VWDE: variants seen among roughly 807,000 people sequenced by gnomAD.
The protein encoded by VWDE is von Willebrand factor D and EGF domains, also known as von Willebrand factor D and EGF domain-containing protein.
In VWDE, 207 loss-of-function variants were observed where a neutral mutation model predicts 178.4. The ratio of observed to expected loss-of-function variants is 1.16; its 90% CI spans 1.04 to 1.30. The LOEUF is 1.30. Among genes scored for constraint, VWDE ranks in the 50% most tolerant of loss-of-function variants. The pLI, the probability that VWDE is intolerant of heterozygous loss-of-function variation, is 0.00. For missense variants in VWDE, 2,287 were observed against 1,901.3 expected (o/e 1.20, Z -3.77); for synonymous variants, 738 against 651.4 (o/e 1.13, Z -2.02).
intron 13 of VWDE, among the ~76,000 whole-genome samples, chr7:12,364,045 G>A (rs1782724217): frequency 6.6e-6 from 1 of 151,766 alleles, no homozygotes. Context: ...TGAGAAACCA[G>A]GTAAATATAT....
rs1009130012 is a variant in VWDE, at chr7:12,359,825, C to T, written c.3160-133G>A. 1.3e-4 allele frequency: 69 copies of T among 542,300 alleles called. 3 individuals are homozygous for T. The highest frequency in any genetic ancestry group is 1.1e-3 in the Admixed American group (33 of 31,060). The allele number at this position is 542,300 out of a possible 1,614,324, so 33.6% of individuals were successfully genotyped here. A position where few individuals can be genotyped will look rare whatever the true frequency, so the allele number is the denominator to read the frequency against. On this transcript the variant is annotated intron_variant, in intron 15 of 28. Coordinates refer to ENST00000275358, the MANE Select transcript of VWDE (RefSeq NM_001135924.3). ...TACATCTATTTTGATACTTCATAATCGTAAGTGCATATGAGGAAACAAATT... is the reference window on the plus strand; with the variant it reads ...TACATCTATTTTGATACTTCATAATTGTAAGTGCATATGAGGAAACAAATT...
At chr7:12,341,897 A>ATGAAGATG (rs1781352220) in intron 23 of VWDE, among the ~76,000 whole-genome samples, 162 bp downstream of exon 23, 1 of 152,214 alleles carries the variant, frequency 6.6e-6, no homozygotes, top group Non-Finnish European at 1.5e-5. Flanking sequence ...AACAAAGGGA[A>ATGAAGATG]TGAAGATGAA....
At position 12,344,445 on chromosome 7, in the gene VWDE, T is replaced by A; in HGVS notation, c.3911A>T (p.Lys1304Ile). 6.4e-7 allele frequency: 1 copy of A among 1,550,512 alleles called. No homozygotes were observed. Among genetic ancestry groups the A allele is most frequent in the Non-Finnish European group, 8.7e-7 (1 of 1,146,442 alleles). ...AFTICKYPCGKSRECVAPNIC... is the reference protein window; with the variant it reads ...AFTICKYPCGISRECVAPNIC... ...GTTTGGGGCAACACACTCCCTACTT[T>A]TTCCACATGGATATTTACAAATGGC... The change falls in exon 20 of 29, where the codon AAA (lysine) becomes ATA (isoleucine). Residue 1304 changes from lysine to isoleucine, a missense_variant. Coordinates refer to ENST00000275358, the MANE Select transcript of VWDE (RefSeq NM_001135924.3).
chr7:12,343,730 T>G (rs1488740343), intron 21 of VWDE, among the ~76,000 whole-genome samples: 1 of 152,198 alleles, frequency 6.6e-6, no homozygotes, highest in Non-Finnish European at 1.5e-5. Flanking sequence ...AATTTTCCGC[T>G]TAAGATTTAA....
At chr7:12,355,236 G>A (rs536322655) in intron 18 of VWDE, among the ~76,000 whole-genome samples, 1 of 152,192 alleles carries the variant, frequency 6.6e-6, no homozygotes, top group Admixed American at 6.5e-5. Context: ...CCAACATGGT[G>A]AAACCCCATC....
chr7:12,358,541 G>A (rs1287709276), intron 16 of VWDE, among the ~76,000 whole-genome samples: 18 of 152,048 alleles, frequency 1.2e-4, no homozygotes, highest in Admixed American at 9.8e-4. Flanking sequence ...ATTGTACTGA[G>A]CACAAAAATT....
intron 3 of VWDE, among the ~76,000 whole-genome samples, chr7:12,385,960 A>T (rs1186954288): frequency 6.6e-6 from 1 of 152,176 alleles, no homozygotes; most frequent in Non-Finnish European, 1.5e-5. Context: ...TTTGGAAGGG[A>T]TGTCATAAAA....
chr7:12,349,235 T>TAATAAATACATA (rs57754696), intron 19 of VWDE, among the ~76,000 whole-genome samples: 55,154 of 129,812 alleles, frequency 0.42, 12,062 homozygotes, highest in African/African-American at 0.64. Flanking sequence ...ATAATCATAA[T>TAATAAATACATA]AATAAATAAA....
At chr7:12,393,501 A>G (rs189277801) in intron 2 of VWDE, 93 bp downstream of exon 2, 89 of 1,089,594 alleles carry the variant, frequency 8.2e-5, no homozygotes, top group Middle Eastern at 3.2e-4. Flanking sequence ...ACAACATTTT[A>G]GCATGAGAAA....
At chr7:12,355,198 C>G (rs996161520) in intron 18 of VWDE, among the ~76,000 whole-genome samples, 11 of 152,098 alleles carry the variant, frequency 7.2e-5, no homozygotes, top group Middle Eastern at 6.8e-3. Flanking sequence ...GGGCGGATCA[C>G]GAGGTCAGGA....
chr7:12,361,269 TATA>T lies in VWDE; in HGVS notation c.3055-21_3055-19del, dbSNP rs374616241. The stretch of plus-strand genomic sequence containing the variant: ...TTAGATACCTGTAACATAATAGTTC[TATA>T]ATAAGATGATTTGTTCTAAATGTTC... On this transcript the variant is annotated intron_variant, in intron 14 of 28. Coordinates refer to ENST00000275358, the MANE Select transcript of VWDE (RefSeq NM_001135924.3). 2,245 of 1,535,806 alleles carry T rather than the reference TATA, an allele frequency of 1.5e-3. 22 individuals carry two copies. The highest frequency in any genetic ancestry group is 0.012 in the South Asian group (1,001 of 82,298).
Position 12,356,145 on chromosome 7 carries a change from G to C in VWDE, c.3711C>G (p.His1237Gln), listed in dbSNP as rs1186098483. ...CGLGSYISGF[H>Q]SYSCDCPPEL... is the part of the protein sequence containing the mutation. Reference sequence around the variant, plus strand: ...CAGGTGGACAATCACAGGAATAACTGTGAAAACCACTAATATAGCTGCCAA... The same window carrying C: ...CAGGTGGACAATCACAGGAATAACTCTGAAAACCACTAATATAGCTGCCAA... Residue 1237 changes from histidine to glutamine, a missense_variant, in exon 18 of 29, where the codon CAC (histidine) becomes CAG (glutamine). By Grantham distance (24) the His-to-Gln change is conservative (BLOSUM62 0). Transcript: ENST00000275358. The C allele has an allele frequency of 6.4e-7, 1 of 1,551,470 alleles. No individual in the cohort carries two copies. The highest frequency in any genetic ancestry group is 2.0e-5 in the Admixed American group (1 of 50,990).
At chr7:12,372,103 A>G (rs934446267) in intron 10 of VWDE, among the ~76,000 whole-genome samples, 2 of 152,102 alleles carry the variant, frequency 1.3e-5, no homozygotes, top group African/African-American at 4.8e-5. Flanking sequence ...TTGACTGCTA[A>G]CGAGGTTAAA....
intron 28 of VWDE, among the ~76,000 whole-genome samples, chr7:12,331,551 T>C (rs911375532): frequency 2.0e-5 from 3 of 152,136 alleles, no homozygotes; most frequent in Non-Finnish European, 4.4e-5. Context: ...TCTTTCCCCA[T>C]CCTTTTCTTT....
chr7:12,369,697 C>T lies in VWDE; in HGVS notation c.2609G>A (p.Gly870Glu). 1 of 1,551,624 alleles carries T rather than the reference C, an allele frequency of 6.4e-7. No homozygotes were observed. Among genetic ancestry groups the T allele is most frequent in the Non-Finnish European group, 8.7e-7 (1 of 1,146,914 alleles). ...NECEKRIVEE[G>E]KYNTEEYGTS... The stretch of plus-strand genomic sequence containing the variant: ...GCCATACTCTTCTGTGTTATATTTC[C>T]CCTCCTCCACAATCCTCTTTTCACA... Residue 870 changes from glycine (G) to glutamate (E), a missense_variant, in exon 12 of 29, where the codon GGG becomes GAG. By Grantham distance (98) the Gly-to-Glu change is moderately conservative. Transcript: ENST00000275358.
chr7:12,355,515 C>G (rs1021955298), intron 18 of VWDE, among the ~76,000 whole-genome samples: 1 of 151,818 alleles, frequency 6.6e-6, no homozygotes, highest in African/African-American at 2.4e-5. Flanking sequence ...AAAATATCAG[C>G]TCATTAACTA....
chr7:12,344,321 T>TA (rs1411914818), intron 20 of VWDE, 31 bp from the exon 21 acceptor site: 11 of 1,550,074 alleles, frequency 7.1e-6, no homozygotes. Flanking sequence ...GTTTTAGACA[T>TA]ATCAATTACC....
chr7:12,336,878 A>G, intron 26 of VWDE, 110 bp downstream of exon 26: 1 of 1,077,672 alleles, frequency 9.3e-7, no homozygotes, highest in Non-Finnish European at 1.3e-6. Flanking sequence ...ATATGCAAAA[A>G]TTTTAAAAAG....
intron 1 of VWDE, among the ~76,000 whole-genome samples, chr7:12,394,077 G>C (rs1202165907): frequency 4.6e-5 from 7 of 152,266 alleles, no homozygotes; most frequent in Non-Finnish European, 5.9e-5. Context: ...GGCTGCTCTT[G>C]AGTTAGGATG....
Sources: gnomAD v4.1 joint callset for allele counts (sites outside exome capture counted in the v4.1 genomes callset) on GRCh38, gnomAD v4.1.1 for gene constraint, MANE v1.5 for transcripts, NCBI Gene and HGNC (gene_info 2026-07-23, HGNC 2026-07-21) for gene names.